SLC18B1: variants seen among roughly 807,000 people sequenced by gnomAD.
SLC18B1 encodes MFS-type transporter SLC18B1.
In SLC18B1, 62 loss-of-function variants were observed where a neutral mutation model predicts 53.9. That is an observed-to-expected ratio of 1.15 (90% CI 0.94 to 1.42). SLC18B1 has a LOEUF of 1.42. Among genes scored for constraint, SLC18B1 ranks in the 40% most tolerant of loss-of-function variants. SLC18B1 has a pLI of 0.00. For synonymous variants in SLC18B1, 217 were observed against 200.9 expected, an observed-to-expected ratio of 1.08 and a Z score of -0.68; for missense variants, 598 against 547.3, an observed-to-expected ratio of 1.09 and a Z score of -0.93.
At chr6:132,776,876 A>T (rs887360348) in intron 7 of SLC18B1, among the ~76,000 whole-genome samples, 1 of 152,146 alleles carries the variant, frequency 6.6e-6, no homozygotes, top group Non-Finnish European at 1.5e-5. Context: ...CTTCCACCTG[A>T]AAAGGGAGCA....
At chr6:132,790,348 G>C (rs563710653) in intron 2 of SLC18B1, 76 bp from the exon 3 acceptor site, 7 of 996,386 alleles carry the variant, frequency 7.0e-6, no homozygotes, top group Non-Finnish European at 1.0e-5. Flanking sequence ...TAATAGATCA[G>C]GGCATCATCT....
In SLC18B1 at chr6:132,790,036, G is replaced by A; in HGVS notation, c.279+141C>T. 4.1e-6 allele frequency: 3 copies of A among 726,330 alleles called. No homozygotes were observed. The South Asian group carries it at 5.6e-5, about 13-fold the overall frequency. 45.0% of individuals were successfully genotyped at this position (726,330 alleles called of 1,614,324 possible). On this transcript the variant is annotated intron_variant, in intron 3 of 13. Coordinates refer to ENST00000275227, the MANE Select transcript of SLC18B1 (RefSeq NM_052831.3). The stretch of plus-strand genomic sequence containing the variant: ...GTTAAAAATCAATCAACTCTGAGGA[G>A]AGAACTGTCAACACTGGCACAATTT...
Position 132,783,965 on chromosome 6 carries a change from A to G in SLC18B1, c.626T>C (p.Val209Ala), listed in dbSNP as rs1438688973. The change falls in exon 6 of 14, where the codon GTA becomes GCA. Residue 209 changes from valine to alanine, a missense_variant. Transcript: ENST00000275227. ...GGGTAAAATATACATATTGAGTGGT[A>G]CCATCAGCAAAACGACGCATCCCAG... The part of the protein sequence containing the change: ...IVLGCVVLLM[V>A]PLNMYILPNY... 5.6e-6 allele frequency: 9 copies of G among 1,606,204 alleles called. No homozygotes were observed. Among genetic ancestry groups the G allele is most frequent in the Non-Finnish European group, 7.6e-6 (9 of 1,177,076 alleles).
At chr6:132,779,208 G>A in intron 7 of SLC18B1, 60 bp downstream of exon 7, 3 of 1,591,726 alleles carry the variant, frequency 1.9e-6, no homozygotes, top group Non-Finnish European at 1.7e-6. Flanking sequence ...CAGGGCCCAA[G>A]AACAAGCAGT....
chr6:132,789,426 GA>G (rs59638432), intron 4 of SLC18B1: 4,048 of 185,428 alleles, frequency 0.022, 179 homozygotes, highest in African/African-American at 0.086. Context: ...GATATTTTTT[GA>G]GTTGACACTT....
rs1562271661 is a variant in SLC18B1, at chr6:132,792,353, A to AAGGAAGGG, written c.184-2082_184-2081insCCCTTCCT. ...GAAGGAAGGAAGGAAGGAAGGAAGG[A>AAGGAAGGG]AGGGAAAGAAAGAAAAGAAGGAAAG... On this transcript the variant is annotated intron_variant, in intron 2 of 13. Coordinates refer to ENST00000275227, the MANE Select transcript of SLC18B1 (RefSeq NM_052831.3). Among the ~76,000 whole-genome samples the AAGGAAGGG allele has an allele frequency of 5.2e-5, 6 of 116,070 alleles. No homozygotes were observed. The East Asian group carries it at 1.3e-3, about 26-fold the overall frequency. The allele number at this position is 116,070 out of a possible 152,430, so 76.1% of individuals were successfully genotyped here. A position where few individuals can be genotyped will look rare whatever the true frequency, so the allele number is the denominator to read the frequency against.
chr6:132,776,870 C>T (rs1781112430), intron 7 of SLC18B1, among the ~76,000 whole-genome samples: 1 of 152,114 alleles, frequency 6.6e-6, no homozygotes, highest in African/African-American at 2.4e-5. Flanking sequence ...GCAGCACTTC[C>T]ACCTGAAAAG....
intron 2 of SLC18B1, among the ~76,000 whole-genome samples, chr6:132,792,507 T>C (rs2114686696): frequency 6.6e-6 from 1 of 152,228 alleles, no homozygotes; most frequent in South Asian, 2.1e-4. Context: ...ATAATGCCTA[T>C]AGCAATTAAT....
chr6:132,788,014 A>T (rs1781425171), intron 4 of SLC18B1, among the ~76,000 whole-genome samples: 1 of 152,062 alleles, frequency 6.6e-6, no homozygotes, highest in Non-Finnish European at 1.5e-5. Context: ...ACAAAAAATT[A>T]GCCAGGTGTG....
chr6:132,785,089 C>G (rs9375919), intron 5 of SLC18B1, among the ~76,000 whole-genome samples: 6,545 of 150,394 alleles, frequency 0.044, 204 homozygotes, highest in Middle Eastern at 0.056. Context: ...AAATCATGCT[C>G]TCTTGTTCTC....
intron 5 of SLC18B1, 100 bp from the exon 6 acceptor site, chr6:132,784,189 T>TAC: frequency 2.1e-6 from 2 of 946,526 alleles, no homozygotes; most frequent in Non-Finnish European, 2.9e-6. Context: ...ATAATTTACA[T>TAC]ACACACACTC....
Position 132,784,027 on chromosome 6 carries a change from C to A in SLC18B1, c.564G>T (p.Leu188Phe). 6.2e-7 allele frequency: 1 copy of A among 1,609,928 alleles called. No homozygotes were observed. The highest frequency in any genetic ancestry group is 8.5e-7 in the Non-Finnish European group (1 of 1,178,246). ...LILGPPVGGFLYQSFGYEVPF... is the reference protein window; with the variant it reads ...LILGPPVGGFFYQSFGYEVPF... ...GCACTTCATAGCCAAAGGATTGATA[C>A]AAAAAGCCACCTACAGGAGGACCTA... Residue 188 changes from leucine to phenylalanine, a missense_variant, in exon 6 of 14, where the codon TTG (leucine) becomes TTT (phenylalanine). Physicochemically the swap from Leu to Phe is conservative, Grantham distance 22. Coordinates refer to ENST00000275227, the MANE Select transcript of SLC18B1 (RefSeq NM_052831.3).
At chr6:132,784,409 A>G (rs931196159) in intron 5 of SLC18B1, among the ~76,000 whole-genome samples, 1 of 152,172 alleles carries the variant, frequency 6.6e-6, no homozygotes, top group Non-Finnish European at 1.5e-5. Flanking sequence ...AAGAACAGAG[A>G]AAAAAATGAC....
In SLC18B1 at chr6:132,789,563, G is replaced by A. The variant is rs1781469713; in HGVS notation, c.353+201C>T. On this transcript the variant is annotated intron_variant, in intron 4 of 13. Transcript: ENST00000275227. ...TAGGTTCAGTAGCAAGCATCACGGA[G>A]ATCCCCCGGAGGCCTGTTTCCTTAA... 9 of 478,576 alleles carry A rather than the reference G, an allele frequency of 1.9e-5. 1 individual carries two copies. The South Asian group carries it at 2.8e-4, about 15-fold the overall frequency. The allele number at this position is 478,576 out of a possible 1,614,324, so 29.6% of individuals were successfully genotyped here.
chr6:132,772,476 A>G (rs1223177473), intron 10 of SLC18B1, among the ~76,000 whole-genome samples: 1 of 152,192 alleles, frequency 6.6e-6, no homozygotes, highest in African/African-American at 2.4e-5. Context: ...ATAAAAATAT[A>G]TAATTAAGAA....
chr6:132,786,035 G>A (rs1336272382), intron 5 of SLC18B1, among the ~76,000 whole-genome samples: 1 of 151,920 alleles, frequency 6.6e-6, no homozygotes, highest in Non-Finnish European at 1.5e-5. Context: ...AGACATTAAT[G>A]TGAACTGGGC....
At chr6:132,788,115 C>A (rs1270206686) in intron 4 of SLC18B1, among the ~76,000 whole-genome samples, 1 of 150,466 alleles carries the variant, frequency 6.6e-6, no homozygotes, top group Non-Finnish European at 1.5e-5. Flanking sequence ...GAGCCGAGAT[C>A]GTGCCACTGC....
chr6:132,794,153 G>C (rs544049079), intron 2 of SLC18B1, among the ~76,000 whole-genome samples: 6 of 148,082 alleles, frequency 4.1e-5, no homozygotes, highest in African/African-American at 1.5e-4. Flanking sequence ...GCCCAGGCTA[G>C]AGTGCAGTGG....
At chr6:132,789,168 A>G (rs1335458919) in intron 4 of SLC18B1, among the ~76,000 whole-genome samples, 1 of 152,076 alleles carries the variant, frequency 6.6e-6, no homozygotes, top group Non-Finnish European at 1.5e-5. Context: ...GGGGGAAACC[A>G]TTTTGTTCCA....
Sources: allele counts gnomAD v4.1 joint callset (sites outside exome capture counted in the v4.1 genomes callset), GRCh38; gene constraint gnomAD v4.1.1; transcripts MANE v1.5; gene names NCBI Gene and HGNC (gene_info 2026-07-23, HGNC 2026-07-21).